PPIL4: variants seen among roughly 807,000 people sequenced by gnomAD.
PPIL4 encodes peptidyl-prolyl cis-trans isomerase-like 4.
Under a neutral mutation model 69.1 loss-of-function variants are expected in PPIL4, and 50 were observed. That is an observed-to-expected ratio of 0.72 (90% CI 0.58 to 0.92). The LOEUF (loss-of-function observed/expected upper bound fraction) is 0.92, where lower values mean the gene tolerates loss of function less well. Ranked by LOEUF, PPIL4 falls within the 40% of genes least tolerant of loss-of-function variation. PPIL4 has a pLI of 0.00. For missense variants in PPIL4, 480 were observed against 587.9 expected (o/e 0.82, Z 1.90); for synonymous variants, 193 against 191.6 (o/e 1.01, Z -0.06).
chr6:149,510,465 C>T (rs944253717), intron 12 of PPIL4, among the ~76,000 whole-genome samples: 4 of 152,070 alleles, frequency 2.6e-5, no homozygotes, highest in Non-Finnish European at 5.9e-5. Flanking sequence ...GAAACAGGGC[C>T]GGGCGCGGTG....
At chr6:149,533,668 T>C (rs138076161) in intron 6 of PPIL4, 94 bp from the exon 7 acceptor site, 14 of 691,336 alleles carry the variant, frequency 2.0e-5, no homozygotes, top group African/African-American at 1.4e-4. Flanking sequence ...ATATCAAACA[T>C]GCTAAAACAG....
chr6:149,537,437 G>A (rs185873615), intron 4 of PPIL4, among the ~76,000 whole-genome samples: 1 of 152,308 alleles, frequency 6.6e-6, no homozygotes, highest in East Asian at 1.9e-4. Flanking sequence ...GCCGGGCGCG[G>A]TGGCTCACGC....
At position 149,516,454 on chromosome 6, in the gene PPIL4, GGAAAA is replaced by G. The variant is rs145478439; in HGVS notation, c.1079+895_1079+899del. 8.9e-3 allele frequency among the ~76,000 whole-genome samples: 1,349 copies of G among 151,974 alleles called. 23 individuals carry two copies. Among genetic ancestry groups the G allele is most frequent in the African/African-American group, 0.031 (1,300 of 41,396 alleles). On this transcript the variant is annotated intron_variant, in intron 11 of 12. Coordinates refer to ENST00000253329, the MANE Select transcript of PPIL4 (RefSeq NM_139126.4). ...TATTCATCTTTCTTGATGAGTACTT[GGAAAA>G]GAAATGTCTACATATGTAGAAAAAA...
chr6:149,537,112 T>G (rs1334285205), intron 4 of PPIL4, among the ~76,000 whole-genome samples: 2 of 141,478 alleles, frequency 1.4e-5, no homozygotes, highest in South Asian at 2.2e-4. Flanking sequence ...GGCAACAGAG[T>G]GAGAATCTGT....
rs1029642103 is a variant in PPIL4, at chr6:149,521,222, T to C, written c.871-51A>G. The stretch of plus-strand genomic sequence containing the variant: ...CATAAATCTTTATGGAAAAGATTTC[T>C]GTAGCTAGAATACTGAAAATACAAA... On this transcript the variant is annotated intron_variant, in intron 9 of 12. Transcript: ENST00000253329. The C allele has an allele frequency of 2.8e-6, 3 of 1,078,744 alleles. No homozygotes were observed. In the Admixed American group the frequency reaches 6.3e-5, roughly 22 times the overall value. The allele number at this position is 1,078,744 out of a possible 1,614,324, so 66.8% of individuals were successfully genotyped here. A position where few individuals can be genotyped will look rare whatever the true frequency, so the allele number is the denominator to read the frequency against.
At chr6:149,534,652 T>C (rs774323973) in intron 6 of PPIL4, 26 bp downstream of exon 6, 9 of 1,142,870 alleles carry the variant, frequency 7.9e-6, no homozygotes, top group Non-Finnish European at 1.2e-5. Context: ...TGAATGTACA[T>C]TTAATCATAA....
chr6:149,534,789 C>A lies in PPIL4; in HGVS notation c.465-15G>T. On this transcript the variant is annotated splice_polypyrimidine_tract_variant and intron_variant, in intron 5 of 12. Transcript: ENST00000253329. ...TATGATTTATCCTTACAAAATAAAT[C>A]CAAATCAAATGTTATACATTGAAGT... 2 of 1,375,490 alleles carry A rather than the reference C, an allele frequency of 1.5e-6. No homozygotes were observed. The highest frequency in any genetic ancestry group is 1.0e-6 in the Non-Finnish European group (1 of 986,250). The allele number at this position is 1,375,490 out of a possible 1,614,324, so 85.2% of individuals were successfully genotyped here.
At chr6:149,535,506 A>C (rs1437536747) in intron 5 of PPIL4, 90 bp downstream of exon 5, 127 of 889,076 alleles carry the variant, frequency 1.4e-4, no homozygotes, top group Non-Finnish European at 2.0e-4. Context: ...AACCAGTCCT[A>C]TGCATACCGT....
chr6:149,542,352 C>T (rs1380989011), intron 1 of PPIL4, among the ~76,000 whole-genome samples: 1 of 152,184 alleles, frequency 6.6e-6, no homozygotes, highest in Non-Finnish European at 1.5e-5. Flanking sequence ...CTTTCTCATA[C>T]AAGTTAATCT....
At chr6:149,519,943 TATGA>T (rs1777004507) in intron 10 of PPIL4, among the ~76,000 whole-genome samples, 1 of 152,058 alleles carries the variant, frequency 6.6e-6, no homozygotes, top group South Asian at 2.1e-4. Context: ...TATTTCAACA[TATGA>T]GAGACCCAAC....
intron 11 of PPIL4, among the ~76,000 whole-genome samples, chr6:149,514,853 T>G (rs1776917162): frequency 6.6e-6 from 1 of 151,778 alleles, no homozygotes; most frequent in African/African-American, 2.4e-5. Context: ...ATTTTTTTTT[T>G]GAGACGGAGT....
Position 149,525,157 on chromosome 6 carries a change from T to C in PPIL4, c.856A>G (p.Ile286Val). The change falls in exon 9 of 13, where the codon ATT becomes GTT. Residue 286 changes from isoleucine (I) to valine (V), a missense_variant. By Grantham distance (29) the Ile-to-Val change is conservative (BLOSUM62 3). Coordinates refer to ENST00000253329, the MANE Select transcript of PPIL4 (RefSeq NM_139126.4). ...TTATGACATACCTTTTCAAATTCAATAAAAGCGTAACAGAGGGACTCTCCT... is the reference window on the plus strand; with the variant it reads ...TTATGACATACCTTTTCAAATTCAACAAAAGCGTAACAGAGGGACTCTCCT... ...KTGESLCYAF[I>V]EFEKEEDCEK... 2 of 1,545,092 alleles carry C rather than the reference T, an allele frequency of 1.3e-6. No homozygotes were observed. The highest frequency in any genetic ancestry group is 1.2e-5 in the South Asian group (1 of 85,324).
At chr6:149,505,816 T>A in intron 12 of PPIL4, 112 bp from the exon 13 acceptor site, 1 of 872,028 alleles carries the variant, frequency 1.1e-6, no homozygotes, top group Non-Finnish European at 1.8e-6. Context: ...TATAACAGCT[T>A]AAATGTGAAC....
intron 9 of PPIL4, 27 bp downstream of exon 9, chr6:149,525,116 C>A: frequency 3.3e-6 from 4 of 1,210,246 alleles, no homozygotes; most frequent in Non-Finnish European, 3.5e-6. Context: ...AAATAAATAC[C>A]AAACTTATGT....
chr6:149,518,050 T>C (rs930496960), intron 10 of PPIL4, among the ~76,000 whole-genome samples: 2 of 151,698 alleles, frequency 1.3e-5, no homozygotes, highest in Non-Finnish European at 2.9e-5. Context: ...ATCAGGCAAA[T>C]AGAAGAGGGC....
chr6:149,515,903 T>C (rs1422408319), intron 11 of PPIL4, among the ~76,000 whole-genome samples: 1 of 152,182 alleles, frequency 6.6e-6, no homozygotes, highest in Non-Finnish European at 1.5e-5. Flanking sequence ...TTATTAATAA[T>C]CTATACTTTC....
intron 3 of PPIL4, 49 bp downstream of exon 3, chr6:149,541,318 T>C: frequency 3.8e-6 from 2 of 520,924 alleles, no homozygotes; most frequent in East Asian, 4.8e-5. Context: ...AGGTTAAAAG[T>C]AAATAAATAA....
chr6:149,536,164 G>T (rs1777272376), intron 4 of PPIL4, among the ~76,000 whole-genome samples: 1 of 152,140 alleles, frequency 6.6e-6, no homozygotes, highest in African/African-American at 2.4e-5. Flanking sequence ...CATATAAGAT[G>T]GTGAACTTAA....
In PPIL4 at chr6:149,505,587, T is replaced by G; in HGVS notation, c.1345A>C (p.Arg449=). The G allele has an allele frequency of 6.2e-7, 1 of 1,614,180 alleles. No homozygotes were observed. The highest frequency in any genetic ancestry group is 8.5e-7 in the Non-Finnish European group (1 of 1,180,024). The stretch of plus-strand genomic sequence containing the variant: ...TGACTATTACTATAATGGCCATCCC[T>G]CTCTCGAGATCGGCTACGACTTCGG... ...QNRSRSRSRE[R]DGHYSNSHKS... The change falls in exon 13 of 13, where the codon AGG becomes CGG. Residue 449 remains arginine (R), a synonymous_variant. Transcript: ENST00000253329.
Sources: allele counts gnomAD v4.1 joint callset (sites outside exome capture counted in the v4.1 genomes callset), GRCh38; gene constraint gnomAD v4.1.1; transcripts MANE v1.5; gene names NCBI Gene and HGNC (gene_info 2026-07-23, HGNC 2026-07-21).